DNAH6: variants seen among roughly 807,000 people sequenced by gnomAD.
DNAH6 encodes axonemal beta dynein heavy chain 6.
DNAH6 carries 340 observed loss-of-function variants against 491.4 expected under a neutral mutation model. The observed-to-expected ratio is 0.69, with a 90% CI of 0.63 to 0.76. The LOEUF (loss-of-function observed/expected upper bound fraction) is 0.76, where lower values mean the gene tolerates loss of function less well. Among genes scored for constraint, DNAH6 ranks in the 30% least tolerant of loss-of-function variants. The pLI is 0.00. For synonymous variants in DNAH6, 1,603 were observed against 1,686.1 expected (o/e 0.95, Z 1.21); for missense variants, 4,443 against 4,972.2 (o/e 0.89, Z 3.20).
intron 61 of DNAH6, among the ~76,000 whole-genome samples, chr2:84,729,827 C>T (rs1698977161): frequency 1.3e-5 from 2 of 152,100 alleles, no homozygotes; most frequent in African/African-American, 4.8e-5. Flanking sequence ...AATATTTTGA[C>T]ACTAGTATTT....
intron 37 of DNAH6, among the ~76,000 whole-genome samples, chr2:84,660,177 A>G (rs1691364972): frequency 6.6e-6 from 1 of 152,176 alleles, no homozygotes; most frequent in African/African-American, 2.4e-5. Flanking sequence ...AGTTGATTTC[A>G]AGACTGGATC....
chr2:84,494,251 T>A, the DNAH6 span, among the ~76,000 whole-genome samples: 1 of 152,192 alleles, frequency 6.6e-6, no homozygotes, highest in Non-Finnish European at 1.5e-5. Flanking sequence ...TGGTAGCATA[T>A]GAATCATCTG....
intron 42 of DNAH6, among the ~76,000 whole-genome samples, chr2:84,681,839 C>G (rs1693808229): frequency 6.6e-6 from 1 of 152,132 alleles, no homozygotes; most frequent in African/African-American, 2.4e-5. Context: ...TGAGCTCCCC[C>G]TCCATCTGTC....
At chr2:84,505,581 T>C in the DNAH6 span, among the ~76,000 whole-genome samples, 1 of 152,200 alleles carries the variant, frequency 6.6e-6, no homozygotes, top group Admixed American at 6.6e-5. Context: ...TATTATACTT[T>C]AAGTTTTAAG....
At chr2:84,778,410 C>A (rs575259232) in intron 64 of DNAH6, among the ~76,000 whole-genome samples, 22 of 152,026 alleles carry the variant, frequency 1.4e-4, no homozygotes, top group Non-Finnish European at 2.6e-4. Flanking sequence ...CTTCTGCTAA[C>A]TTCAGGATTT....
the DNAH6 span, among the ~76,000 whole-genome samples, chr2:84,477,295 G>T: frequency 6.6e-6 from 1 of 152,126 alleles, no homozygotes. Flanking sequence ...GAGATAATGG[G>T]AATACAATCA....
chr2:84,575,838 C>G (rs528780700), intron 12 of DNAH6, among the ~76,000 whole-genome samples: 1 of 152,084 alleles, frequency 6.6e-6, no homozygotes, highest in South Asian at 2.1e-4. Context: ...GAGCCGAGAT[C>G]GCGCCGCTGC....
At chr2:84,477,996 T>C in the DNAH6 span, among the ~76,000 whole-genome samples, 1 of 152,186 alleles carries the variant, frequency 6.6e-6, no homozygotes, top group Non-Finnish European at 1.5e-5. Context: ...AGTGTACTTG[T>C]ATGTACACTT....
At chr2:84,726,010 C>G (rs2104948915) in intron 60 of DNAH6, among the ~76,000 whole-genome samples, 2 of 152,288 alleles carry the variant, frequency 1.3e-5, no homozygotes, top group East Asian at 3.9e-4. Context: ...TGTAGGCTTC[C>G]TCTAAGCCCT....
chr2:84,490,358 A>G, the DNAH6 span, among the ~76,000 whole-genome samples: 1 of 151,950 alleles, frequency 6.6e-6, no homozygotes, highest in African/African-American at 2.4e-5. Context: ...CTTTTAATGT[A>G]CAATTCTTTG....
the DNAH6 span, among the ~76,000 whole-genome samples, chr2:84,478,286 C>G: frequency 6.6e-6 from 1 of 152,208 alleles, no homozygotes; most frequent in Non-Finnish European, 1.5e-5. Flanking sequence ...TCACACAGCA[C>G]AATTCTAAGA....
intron 64 of DNAH6, among the ~76,000 whole-genome samples, chr2:84,773,874 G>A (rs1675874116): frequency 6.6e-6 from 1 of 151,988 alleles, no homozygotes; most frequent in Non-Finnish European, 1.5e-5. Context: ...TTGGACGCCT[G>A]TATGTCTTCT....
chr2:84,559,482 G>A (rs1239306885), intron 11 of DNAH6, among the ~76,000 whole-genome samples: 1 of 152,186 alleles, frequency 6.6e-6, no homozygotes, highest in East Asian at 1.9e-4. Flanking sequence ...CAGCGGCAAA[G>A]GCTGTAGTGA....
intron 63 of DNAH6, among the ~76,000 whole-genome samples, chr2:84,745,493 G>T (rs552169748): frequency 3.9e-5 from 6 of 151,984 alleles, no homozygotes; most frequent in African/African-American, 1.4e-4. Context: ...GTGAAACCGC[G>T]TCTCTACTAA....
At chr2:84,693,275 G>T (rs1394922742) in intron 45 of DNAH6, among the ~76,000 whole-genome samples, 1 of 151,874 alleles carries the variant, frequency 6.6e-6, no homozygotes, top group African/African-American at 2.4e-5. Context: ...CTGGAGTTTG[G>T]CCTCTACTTT....
intron 43 of DNAH6, 123 bp from the exon 44 acceptor site, chr2:84,686,361 T>G: frequency 1.6e-6 from 1 of 612,970 alleles, no homozygotes; most frequent in Non-Finnish European, 2.9e-6. Flanking sequence ...ATTCTCTCAG[T>G]TTTTATGTAT....
chr2:84,700,976 T>G, intron 48 of DNAH6, 121 bp from the exon 49 acceptor site: 2 of 1,142,460 alleles, frequency 1.8e-6, no homozygotes, highest in Non-Finnish European at 2.4e-6. Flanking sequence ...GAGTAGGAGT[T>G]AACTAGGTGA....
chr2:84,674,683 A>G (rs1206790554), intron 40 of DNAH6, among the ~76,000 whole-genome samples: 1 of 152,214 alleles, frequency 6.6e-6, no homozygotes, highest in Non-Finnish European at 1.5e-5. Flanking sequence ...ATCTAACTTT[A>G]TCTTCCCAAC....
At position 84,517,883 on chromosome 2, in the gene DNAH6, C is replaced by T. The variant is rs553436773; in HGVS notation, c.57C>T (p.Ala19=). The T allele has an allele frequency of 3.2e-6, 5 of 1,551,438 alleles. No individual in the cohort carries two copies. The highest frequency in any genetic ancestry group is 2.7e-5 in the African/African-American group (2 of 72,946). ...EFDLTNIEEY[A]ENSALSRLNN... is the part of the protein sequence containing the mutation. ...ACCTGACAAATATTGAAGAGTATGC[C>T]GAAAATTCTGCACTTTCAAGACTGA... is the stretch of plus-strand genomic sequence containing the variant. The change falls in exon 2 of 77, where the codon GCC becomes GCT. Residue 19 remains alanine (A), a synonymous_variant. Coordinates refer to ENST00000389394, the MANE Select transcript of DNAH6 (RefSeq NM_001370.2).
Sources: allele counts gnomAD v4.1 joint callset (sites outside exome capture counted in the v4.1 genomes callset), GRCh38; gene constraint gnomAD v4.1.1; transcripts MANE v1.5; gene names NCBI Gene and HGNC (gene_info 2026-07-23, HGNC 2026-07-21).